Variants in PDSS2 observed in about 807,000 individuals in gnomAD.
PDSS2 encodes decaprenyl diphosphate synthase subunit 2.
Under a neutral mutation model 44.5 loss-of-function variants are expected in PDSS2, and 31 were observed. The observed-to-expected ratio is 0.70, with a 90% confidence interval of 0.52 to 0.94. The LOEUF (loss-of-function observed/expected upper bound fraction) is 0.94. Ranked by LOEUF, PDSS2 falls within the 40% of genes least tolerant of loss-of-function variation. PDSS2 has a pLI of 0.00. For synonymous variants in PDSS2, 157 were observed against 180.3 expected, an observed-to-expected ratio of 0.87 and a Z score of 1.03; for missense variants, 452 against 482.2, an observed-to-expected ratio of 0.94 and a Z score of 0.59.
chr6:107,292,000 A>T (rs959999751), intron 2 of PDSS2, among the ~76,000 whole-genome samples: 1 of 152,286 alleles, frequency 6.6e-6, no homozygotes, highest in East Asian at 1.9e-4. Flanking sequence ...GCAATTGCTG[A>T]GGGTACTGAG....
At chr6:107,228,845 T>G (rs1773931411) in intron 4 of PDSS2, among the ~76,000 whole-genome samples, 1 of 152,234 alleles carries the variant, frequency 6.6e-6, no homozygotes, top group Admixed American at 6.5e-5. Flanking sequence ...TAAAAAAGGA[T>G]GCCAGTAAAA....
intron 4 of PDSS2, among the ~76,000 whole-genome samples, chr6:107,234,476 A>G (rs888192897): frequency 6.6e-6 from 1 of 151,440 alleles, no homozygotes; most frequent in African/African-American, 2.4e-5. Context: ...AAGTGCTGGG[A>G]TTACAGGTGT....
chr6:107,208,063 T>G (rs1773061799), intron 6 of PDSS2, among the ~76,000 whole-genome samples: 2 of 138,632 alleles, frequency 1.4e-5, no homozygotes, highest in Non-Finnish European at 3.0e-5. Context: ...CTTGGCTCAA[T>G]GCAACCTCTG....
At chr6:107,208,679 G>A (rs1307354067) in intron 6 of PDSS2, among the ~76,000 whole-genome samples, 2 of 146,528 alleles carry the variant, frequency 1.4e-5, no homozygotes, top group African/African-American at 5.1e-5. Flanking sequence ...GCGCAATCTC[G>A]CTCACTGCAG....
chr6:107,162,625 T>TTTTTTTTTTG (rs1771186804), intron 7 of PDSS2, among the ~76,000 whole-genome samples: 1 of 147,742 alleles, frequency 6.8e-6, no homozygotes, highest in Non-Finnish European at 1.5e-5. Flanking sequence ...TTTTTTTTTT[T>TTTTTTTTTTG]GAGATGGAGT....
At chr6:107,328,821 C>T (rs2500578) in intron 2 of PDSS2, among the ~76,000 whole-genome samples, 80,094 of 152,022 alleles carry the variant, frequency 0.53, 22,450 homozygotes, top group Middle Eastern at 0.72. Context: ...ACCTGGCATG[C>T]CCACACTTAT....
chr6:107,336,852 G>A (rs1777913339), intron 1 of PDSS2, among the ~76,000 whole-genome samples: 1 of 145,790 alleles, frequency 6.9e-6, no homozygotes, highest in Non-Finnish European at 1.5e-5. Flanking sequence ...GTGTGTGTGT[G>A]TGTGTGTGTG....
intron 1 of PDSS2, among the ~76,000 whole-genome samples, chr6:107,433,547 G>A (rs1781258547): frequency 6.6e-6 from 1 of 152,138 alleles, no homozygotes; most frequent in African/African-American, 2.4e-5. Context: ...AAGTAGTGCT[G>A]GGAAAACTGG....
chr6:107,195,470 A>G (rs1286593426), intron 6 of PDSS2, among the ~76,000 whole-genome samples: 1 of 131,386 alleles, frequency 7.6e-6, no homozygotes, highest in Admixed American at 8.1e-5. Flanking sequence ...TGACAGAGTG[A>G]GATCCTGTCT....
chr6:107,338,830 G>C (rs1156514345), intron 1 of PDSS2, among the ~76,000 whole-genome samples: 1 of 152,164 alleles, frequency 6.6e-6, no homozygotes, highest in African/African-American at 2.4e-5. Flanking sequence ...AGGGGCACAG[G>C]AGAGTTGTCT....
chr6:107,345,860 G>C (rs1052469877), intron 1 of PDSS2, among the ~76,000 whole-genome samples: 1 of 152,130 alleles, frequency 6.6e-6, no homozygotes, highest in Non-Finnish European at 1.5e-5. Flanking sequence ...GAGGAAATCG[G>C]AAGTGACAGT....
At chr6:107,281,808 C>T (rs561559200) in intron 2 of PDSS2, among the ~76,000 whole-genome samples, 1 of 152,154 alleles carries the variant, frequency 6.6e-6, no homozygotes, top group African/African-American at 2.4e-5. Flanking sequence ...CCTGCCACCC[C>T]CTTCCCTCAC....
chr6:107,215,372 A>G (rs2114652461), intron 4 of PDSS2, among the ~76,000 whole-genome samples: 1 of 152,302 alleles, frequency 6.6e-6, no homozygotes, highest in East Asian at 1.9e-4. Context: ...AGCCTGGATG[A>G]CGCAGTGAGA....
At chr6:107,206,867 C>A (rs368407861) in intron 6 of PDSS2, among the ~76,000 whole-genome samples, 1 of 152,064 alleles carries the variant, frequency 6.6e-6, no homozygotes, top group Non-Finnish European at 1.5e-5. Context: ...AACCGGGCTG[C>A]CACCAAACAG....
chr6:107,367,104 C>T (rs1778980931), intron 1 of PDSS2, among the ~76,000 whole-genome samples: 1 of 152,102 alleles, frequency 6.6e-6, no homozygotes. Flanking sequence ...CAAACTGAAT[C>T]TAGCAATATA....
chr6:107,174,416 T>C (rs1291033153), intron 7 of PDSS2, among the ~76,000 whole-genome samples: 1 of 152,170 alleles, frequency 6.6e-6, no homozygotes, highest in Non-Finnish European at 1.5e-5. Context: ...TTCCCTATTA[T>C]TGGAAGCCTT....
At chr6:107,285,247 GA>G in intron 2 of PDSS2, among the ~76,000 whole-genome samples, 1 of 152,088 alleles carries the variant, frequency 6.6e-6, no homozygotes, top group African/African-American at 2.4e-5. Context: ...GTTCATATGG[GA>G]AGAATAAATT....
At chr6:107,182,417 T>G (rs1251150099) in intron 7 of PDSS2, among the ~76,000 whole-genome samples, 1 of 152,176 alleles carries the variant, frequency 6.6e-6, no homozygotes, top group Non-Finnish European at 1.5e-5. Flanking sequence ...CTCTGCCTCC[T>G]GGGTTCAGGC....
At chr6:107,179,638 T>C (rs949414261) in intron 7 of PDSS2, among the ~76,000 whole-genome samples, 3 of 152,094 alleles carry the variant, frequency 2.0e-5, no homozygotes, top group Non-Finnish European at 4.4e-5. Context: ...TCACCTACAA[T>C]CTTTAGTAAC....
Sources: allele counts gnomAD v4.1 joint callset (sites outside exome capture counted in the v4.1 genomes callset), GRCh38; gene constraint gnomAD v4.1.1; transcripts MANE v1.5; gene names NCBI Gene and HGNC (gene_info 2026-07-23, HGNC 2026-07-21).